SEMA3A: variants seen among roughly 807,000 people sequenced by gnomAD.
The protein encoded by SEMA3A is semaphorin-3A.
Under a neutral mutation model 97.9 loss-of-function variants are expected in SEMA3A, and 29 were observed. The ratio of observed to expected loss-of-function variants is 0.30; its 90% confidence interval spans 0.22 to 0.40. The LOEUF is 0.40. Ranked by LOEUF, SEMA3A falls within the 10% of genes least tolerant of loss-of-function variation. The probability of loss-of-function intolerance (pLI) is 1.00; values close to 1 mark genes in which losing one functional copy is unlikely to be tolerated. For missense variants in SEMA3A, 763 were observed against 951.3 expected (o/e 0.80, Z 2.60); for synonymous variants, 321 against 323.7 (o/e 0.99, Z 0.09).
chr7:84,254,521 G>C (rs570958110), intron 3 of SEMA3A, among the ~76,000 whole-genome samples: 2 of 152,026 alleles, frequency 1.3e-5, no homozygotes, highest in Non-Finnish European at 2.9e-5. Context: ...CAAATTCCCT[G>C]AGAATTAAAA....
intron 2 of SEMA3A, among the ~76,000 whole-genome samples, chr7:84,329,352 G>C (rs1347192107): frequency 6.6e-6 from 1 of 151,900 alleles, no homozygotes; most frequent in Non-Finnish European, 1.5e-5. Flanking sequence ...GAACCTTTTT[G>C]CTTAAATGTG....
intron 13 of SEMA3A, among the ~76,000 whole-genome samples, chr7:83,984,604 TCTG>T (rs1430859423): frequency 7.1e-6 from 1 of 140,200 alleles, no homozygotes; most frequent in Non-Finnish European, 1.5e-5. Flanking sequence ...TCTGGATTTT[TCTG>T]CTTTTTTTTT....
Position 84,444,037 on chromosome 7 carries a change from C to G in SEMA3A, c.-246+48423G>C, listed in dbSNP as rs1401712729. ...GAGTAGCTGGAATTACAGGCACCTG[C>G]CACCATACCTAGCTAATTTTTGTAT... is the stretch of plus-strand genomic sequence containing the variant. On this transcript the variant is annotated intron_variant, in intron 1 of 3. Transcript: ENST00000424555. Among the ~76,000 whole-genome samples, 15 of 151,974 alleles carry G rather than the reference C, an allele frequency of 9.9e-5. No individual in the cohort carries two copies. The East Asian group carries it at 2.3e-3, about 24-fold the overall frequency.
At chr7:84,247,239 GT>G (rs1232155860) in intron 3 of SEMA3A, among the ~76,000 whole-genome samples, 1 of 152,102 alleles carries the variant, frequency 6.6e-6, no homozygotes, top group Non-Finnish European at 1.5e-5. Flanking sequence ...ATCTCCAGTG[GT>G]TTTATAATGA....
At position 84,285,973 on chromosome 7, in the gene SEMA3A, A is replaced by G. The variant is rs1201603948; in HGVS notation, c.-83+21234T>C. 4.7e-5 allele frequency among the ~76,000 whole-genome samples: 7 copies of G among 149,118 alleles called. No individual in the cohort carries two copies. The South Asian group carries it at 1.5e-3, about 31-fold the overall frequency. On this transcript the variant is annotated intron_variant, in intron 3 of 3. Coordinates refer to the SEMA3A transcript ENST00000424555. ...ATAACAGAATCAGACCCCATCTCAA[A>G]AAAAAAAAAAAAAAAGAAGAAGAAG...
At chr7:84,122,096 C>T (rs1242595855) in intron 3 of SEMA3A, among the ~76,000 whole-genome samples, 2 of 151,672 alleles carry the variant, frequency 1.3e-5, no homozygotes, top group African/African-American at 4.9e-5. Flanking sequence ...GGAATCGCCA[C>T]ACTGACTTCC....
chr7:84,375,037 T>G (rs1803064171), intron 1 of SEMA3A, among the ~76,000 whole-genome samples: 1 of 152,168 alleles, frequency 6.6e-6, no homozygotes, highest in Non-Finnish European at 1.5e-5. Context: ...TTTATTTTTT[T>G]GAGACCGAGT....
chr7:84,187,559 C>G (rs1004755643), intron 1 of SEMA3A, among the ~76,000 whole-genome samples: 1 of 152,058 alleles, frequency 6.6e-6, no homozygotes, highest in Admixed American at 6.6e-5. Context: ...GAAGGAGATA[C>G]TGTTTATGGA....
intron 4 of SEMA3A, among the ~76,000 whole-genome samples, chr7:84,068,667 GCT>G (rs1395337841): frequency 6.6e-6 from 1 of 152,068 alleles, no homozygotes; most frequent in Non-Finnish European, 1.5e-5. Context: ...AGACAGACGT[GCT>G]ATCTCCTCAA....
chr7:84,446,396 A>C (rs940424797), intron 1 of SEMA3A, among the ~76,000 whole-genome samples: 1 of 152,184 alleles, frequency 6.6e-6, no homozygotes, highest in African/African-American at 2.4e-5. Flanking sequence ...AATGTCCCTG[A>C]TGAATACTGA....
intron 5 of SEMA3A, among the ~76,000 whole-genome samples, chr7:84,049,019 C>A (rs80236161): frequency 0.048 from 7,286 of 152,016 alleles, 209 homozygotes; most frequent in South Asian, 0.081. Flanking sequence ...AATGTAAAGG[C>A]AGAAATAATA....
At chr7:83,996,707 G>A (rs1020204998) in intron 12 of SEMA3A, among the ~76,000 whole-genome samples, 1 of 150,314 alleles carries the variant, frequency 6.7e-6, no homozygotes, top group Non-Finnish European at 1.5e-5. Flanking sequence ...TTTAACTAAC[G>A]TGTTGAGAAT....
At chr7:84,437,564 G>GT (rs1805167722) in intron 1 of SEMA3A, among the ~76,000 whole-genome samples, 1 of 144,222 alleles carries the variant, frequency 6.9e-6, no homozygotes, top group African/African-American at 2.6e-5. Flanking sequence ...TCTAATGCTG[G>GT]CTTTTTTTTT....
At chr7:84,126,754 T>C (rs1281178072) in intron 3 of SEMA3A, among the ~76,000 whole-genome samples, 1 of 152,210 alleles carries the variant, frequency 6.6e-6, no homozygotes, top group Non-Finnish European at 1.5e-5. Flanking sequence ...AAGATTTTTC[T>C]ACTTTTCAAA....
intron 12 of SEMA3A, among the ~76,000 whole-genome samples, chr7:83,996,599 C>T (rs1177360593): frequency 6.6e-6 from 1 of 152,062 alleles, no homozygotes; most frequent in Non-Finnish European, 1.5e-5. Flanking sequence ...CCACGCCCAG[C>T]CTTTACTAGT....
intron 3 of SEMA3A, among the ~76,000 whole-genome samples, chr7:84,221,324 G>A (rs1017605177): frequency 1.3e-5 from 2 of 152,144 alleles, no homozygotes; most frequent in Non-Finnish European, 1.5e-5. Context: ...ACTAACATTT[G>A]CTCCATATCA....
At chr7:84,398,290 G>A (rs956003192) in intron 1 of SEMA3A, among the ~76,000 whole-genome samples, 15 of 152,080 alleles carry the variant, frequency 9.9e-5, no homozygotes, top group African/African-American at 2.9e-4. Flanking sequence ...GAACCTATAT[G>A]AGGAGCTTTA....
intron 1 of SEMA3A, among the ~76,000 whole-genome samples, chr7:84,439,965 C>T (rs527812228): frequency 6.6e-6 from 1 of 152,084 alleles, no homozygotes; most frequent in South Asian, 2.1e-4. Context: ...TTTATGAGTA[C>T]CTACCATGTA....
At chr7:84,236,614 T>G (rs1799240826) in intron 3 of SEMA3A, among the ~76,000 whole-genome samples, 1 of 152,182 alleles carries the variant, frequency 6.6e-6, no homozygotes, top group African/African-American at 2.4e-5. Flanking sequence ...CACTAATGAC[T>G]AATCCCATTC....
Sources: gnomAD v4.1 joint callset for allele counts (sites outside exome capture counted in the v4.1 genomes callset) on GRCh38, gnomAD v4.1.1 for gene constraint, MANE v1.5 for transcripts, NCBI Gene and HGNC (gene_info 2026-07-23, HGNC 2026-07-21) for gene names.